TNPO2: variants seen among roughly 807,000 people sequenced by gnomAD.
TNPO2 encodes the protein transportin 2.
In TNPO2, 16 loss-of-function variants were observed where a neutral mutation model predicts 111.1. That is an observed-to-expected ratio of 0.14 (90% CI 0.10 to 0.22). The LOEUF is 0.22. Among genes scored for constraint, TNPO2 ranks in the 10% least tolerant of loss-of-function variants. The pLI is 1.00. For synonymous variants in TNPO2, 481 were observed against 475.8 expected (o/e 1.01, Z -0.14); for missense variants, 530 against 1,173.7 (o/e 0.45, Z 8.01).
In TNPO2 at chr19:12,699,894, G is replaced by T. The variant is rs771106869; in HGVS notation, c.*1370C>A. ...TCCAGTCAGACTCCAAAACACAAGG[G>T]GCTCCCCAAAGAAGTAGAAAGCAGG... is the stretch of plus-strand genomic sequence containing the variant. On this transcript the variant is annotated 3_prime_UTR_variant, in exon 26 of 26. Transcript: ENST00000425528. 3 of 152,338 alleles carry T rather than the reference G, an allele frequency of 2.0e-5. No homozygotes were observed. Among genetic ancestry groups the T allele is most frequent in the Admixed American group, 1.3e-4 (2 of 15,234 alleles). 9.4% of individuals were successfully genotyped at this position (152,338 alleles called of 1,614,324 possible).
chr19:12,703,930 T>C (rs1199388429), intron 18 of TNPO2, 129 bp from the exon 19 acceptor site: 2 of 782,630 alleles, frequency 2.6e-6, no homozygotes, highest in Admixed American at 2.9e-5. Context: ...AGCTGTTCCT[T>C]AACCTCCCTA....
chr19:12,701,910 G>T lies in TNPO2; in HGVS notation c.2412-59C>A. The T allele has an allele frequency of 6.6e-7, 1 of 1,517,378 alleles. No homozygotes were observed. Among genetic ancestry groups the T allele is most frequent in the Non-Finnish European group, 9.1e-7 (1 of 1,094,530 alleles). 94.0% of individuals were successfully genotyped at this position (1,517,378 alleles called of 1,614,324 possible). ...CAGGCTGGGCATGCATCTGTGGAGG[G>T]CTGGGTCACTGGGGATCAGTGAGTG... is the stretch of plus-strand genomic sequence containing the variant. On this transcript the variant is annotated intron_variant, in intron 22 of 25. Coordinates refer to ENST00000425528, the MANE Select transcript of TNPO2 (RefSeq NM_001382241.1). The surrounding 1 kb of genome is among the most constrained non-coding windows in gnomAD (Gnocchi z 5.0).
rs1351182515 is a variant in TNPO2 at position 12,699,800 on chromosome 19, GAC to G, written c.*1462_*1463del. 2 of 152,488 alleles carry G rather than the reference GAC, an allele frequency of 1.3e-5. No homozygotes were observed. Among genetic ancestry groups the G allele is most frequent in the African/African-American group, 2.4e-5 (1 of 41,368 alleles). The allele number at this position is 152,488 out of a possible 1,614,324, so 9.4% of individuals were successfully genotyped here. A position where few individuals can be genotyped will look rare whatever the true frequency, so the allele number is the denominator to read the frequency against. On this transcript the variant is annotated 3_prime_UTR_variant, in exon 26 of 26. Transcript: ENST00000425528. ...CAGGGCCTGACCCTGACTATGGAAA[GAC>G]ACAGGGCTTGGATGGAGGGTCTGGC... is the stretch of plus-strand genomic sequence containing the variant.
intron 20 of TNPO2, 41 bp downstream of exon 20, chr19:12,703,387 G>A (rs1568331587): frequency 1.3e-6 from 2 of 1,573,318 alleles, no homozygotes; most frequent in Non-Finnish European, 8.7e-7. Context: ...GTTGAGAACA[G>A]GCTAATGGGG....
In TNPO2 at chr19:12,702,769, C is replaced by T; in HGVS notation, c.2305+54G>A. 6.5e-7 allele frequency: 1 copy of T among 1,546,204 alleles called. No individual in the cohort carries two copies. Among genetic ancestry groups the T allele is most frequent in the South Asian group, 1.1e-5 (1 of 89,218 alleles). ...TCTGATGCCCTTCCCAGCCCAGAAC[C>T]CCACCTCCAGAAGGCAGGCAGGGGT... On this transcript the variant is annotated intron_variant, in intron 21 of 25. Transcript: ENST00000425528. This position sits in a 1 kb window ranked among gnomAD's most constrained non-coding sequence, Gnocchi z 5.5.
Position 12,703,465 on chromosome 19 carries a change from G to A in TNPO2, c.2172C>T (p.Asn724=), listed in dbSNP as rs1028026727. The A allele has an allele frequency of 1.4e-5, 23 of 1,613,904 alleles. No homozygotes were observed. Among genetic ancestry groups the A allele is most frequent in the African/African-American group, 9.3e-5 (7 of 74,942 alleles). ...LNPEFISVCN[N]ATWAIGEICM... is the part of the protein sequence containing the mutation. ...AGATTTCACCAATGGCCCAGGTGGC[G>A]TTGTTGCAGACGGAGATGAACTCTG... Residue 724 remains asparagine, a synonymous_variant, in exon 20 of 26, where the codon AAC becomes AAT. Coordinates refer to ENST00000425528, the MANE Select transcript of TNPO2 (RefSeq NM_001382241.1).
At chr19:12,704,648 G>C (rs550340923) in intron 18 of TNPO2, among the ~76,000 whole-genome samples, 1 of 150,696 alleles carries the variant, frequency 6.6e-6, no homozygotes, top group Admixed American at 6.7e-5. Flanking sequence ...ACTGTGCTGG[G>C]GCAGGGACTT....
Position 12,702,381 on chromosome 19 carries a change from CTTTT to C in TNPO2, c.2306-208_2306-205del. 1 of 691,300 alleles carries C rather than the reference CTTTT, an allele frequency of 1.4e-6. No individual in the cohort carries two copies. The highest frequency in any genetic ancestry group is 2.6e-6 in the Non-Finnish European group (1 of 379,282). The allele number at this position is 691,300 out of a possible 1,614,324, so 42.8% of individuals were successfully genotyped here. ...TCTTTCTTTCTTTCCTTTCCCTTTCCTTTTTGTTTTTTTTTGTTTTGTTTTGTTT... is the reference window on the plus strand; with the variant it reads ...TCTTTCTTTCTTTCCTTTCCCTTTCCTGTTTTTTTTTGTTTTGTTTTGTTT... On this transcript the variant is annotated intron_variant, in intron 21 of 25. Transcript: ENST00000425528. The surrounding 1 kb of genome is among the most constrained non-coding windows in gnomAD (Gnocchi z 5.5).
chr19:12,720,697 A>G (rs1029570422), intron 3 of TNPO2, among the ~76,000 whole-genome samples, 182 bp downstream of exon 3: 1 of 152,086 alleles, frequency 6.6e-6, no homozygotes, highest in Admixed American at 6.6e-5. Context: ...TTTCTATAAC[A>G]ATCCCCGCAG....
At chr19:12,714,061 G>A (rs2026225249) in intron 10 of TNPO2, among the ~76,000 whole-genome samples, 4 of 152,130 alleles carry the variant, frequency 2.6e-5, no homozygotes, top group South Asian at 2.1e-4. Flanking sequence ...TTTGGAGAGA[G>A]GCAAGCAATC....
Position 12,706,427 on chromosome 19 carries a change from T to C in TNPO2, c.1497-60A>G, listed in dbSNP as rs1319848295. The C allele has an allele frequency of 6.2e-7, 1 of 1,605,436 alleles. No homozygotes were observed. The highest frequency in any genetic ancestry group is 8.5e-7 in the Non-Finnish European group (1 of 1,172,654). On this transcript the variant is annotated intron_variant, in intron 14 of 25. Transcript: ENST00000425528. The surrounding 1 kb of genome is among the most constrained non-coding windows in gnomAD (Gnocchi z 7.0). ...GACCATGGCAGGTGACACTGGGCCATGGGCAGTTGGGGAGGGCAACTCAGG... is the reference window on the plus strand; with the variant it reads ...GACCATGGCAGGTGACACTGGGCCACGGGCAGTTGGGGAGGGCAACTCAGG...
Position 12,699,354 on chromosome 19 carries a change from CA to C in TNPO2, c.*1909del. 1 of 365,022 alleles carries C rather than the reference CA, an allele frequency of 2.7e-6. No homozygotes were observed. Among genetic ancestry groups the C allele is most frequent in the Non-Finnish European group, 5.6e-6 (1 of 177,620 alleles). 22.6% of individuals were successfully genotyped at this position (365,022 alleles called of 1,614,324 possible). A position where few individuals can be genotyped will look rare whatever the true frequency, so the allele number is the denominator to read the frequency against. ...GAGGAGGGAAAGAGGGACTGTGGCT[CA>C]AGGCCAGTCTGGGTCCACAGCCCTG... is the stretch of plus-strand genomic sequence containing the variant. On this transcript the variant is annotated 3_prime_UTR_variant, in exon 26 of 26. Coordinates refer to ENST00000425528, the MANE Select transcript of TNPO2 (RefSeq NM_001382241.1).
intron 1 of TNPO2, 199 bp from the exon 2 acceptor site, chr19:12,723,564 C>T (rs1296679679): frequency 6.6e-6 from 1 of 152,208 alleles, no homozygotes; most frequent in Non-Finnish European, 1.5e-5. Context: ...CTGAATTGTT[C>T]CTTAAAAACG....
chr19:12,701,476 G>C lies in TNPO2; in HGVS notation c.2587-23C>G, dbSNP rs1349394779. On this transcript the variant is annotated intron_variant, in intron 24 of 25. Transcript: ENST00000425528. The surrounding 1 kb of genome is among the most constrained non-coding windows in gnomAD (Gnocchi z 5.0). ...AATCTGTGGGGAGGGTGGTGGTGAG[G>C]GGTAGGCAGGGGCAGAACAAGGGGA... 6.2e-7 allele frequency: 1 copy of C among 1,608,210 alleles called. No individual in the cohort carries two copies. Among genetic ancestry groups the C allele is most frequent in the African/African-American group, 1.3e-5 (1 of 74,746 alleles).
Position 12,715,023 on chromosome 19 carries a change from TG to T in TNPO2, c.771+23del. 6.4e-7 allele frequency: 1 copy of T among 1,572,152 alleles called. No homozygotes were observed. The highest frequency in any genetic ancestry group is 8.6e-7 in the Non-Finnish European group (1 of 1,160,520). On this transcript the variant is annotated intron_variant, in intron 9 of 25. Transcript: ENST00000425528. This position sits in a 1 kb window ranked among gnomAD's most constrained non-coding sequence, Gnocchi z 7.1. ...GCCACCGGCCCCCTGCCTGCCCGCCTGGGCTGGCCTTGACCATGCACACCTG... is the reference window on the plus strand; with the variant it reads ...GCCACCGGCCCCCTGCCTGCCCGCCTGGCTGGCCTTGACCATGCACACCTG...
chr19:12,708,130 C>A (rs2025811078), intron 13 of TNPO2, among the ~76,000 whole-genome samples: 1 of 148,350 alleles, frequency 6.7e-6, no homozygotes. Context: ...CCATTTTTAA[C>A]AATTTTTTAA....
At chr19:12,707,126 T>C (rs1186798362) in intron 13 of TNPO2, among the ~76,000 whole-genome samples, 2 of 152,256 alleles carry the variant, frequency 1.3e-5, no homozygotes, top group African/African-American at 4.8e-5. Flanking sequence ...GCCTCCCAAG[T>C]AGCTGGGATT....
Position 12,709,967 on chromosome 19 carries a change from C to T in TNPO2, c.1270+654G>A, listed in dbSNP as rs1229443831. Among the ~76,000 whole-genome samples the T allele has an allele frequency of 2.0e-5, 3 of 152,064 alleles. No individual in the cohort carries two copies. In the East Asian group the frequency reaches 5.8e-4, roughly 29 times the overall value. On this transcript the variant is annotated intron_variant, in intron 13 of 25. Transcript: ENST00000425528. ...CTTACAAGGTTGAGGGTTTTTGCTG[C>T]CATGCCTGAAATTTTTGGCACAGGT...
chr19:12,701,819 T>G lies in TNPO2; in HGVS notation c.2444A>C (p.Glu815Ala). ...GCCGCGGAAGGCTGAGTCCTTCTCC[T>G]CGTTGTCCCTGATGTTCCTGAGGGA... ...CTSLRNIRDN[E>A]EKDSAFRGIC... Residue 815 changes from glutamate (E) to alanine (A), a missense_variant, in exon 23 of 26, where the codon GAG becomes GCG. Transcript: ENST00000425528. The surrounding 1 kb of genome is among the most constrained non-coding windows in gnomAD (Gnocchi z 5.0). The G allele has an allele frequency of 6.2e-7, 1 of 1,613,752 alleles. No individual in the cohort carries two copies. Among genetic ancestry groups the G allele is most frequent in the Non-Finnish European group, 8.5e-7 (1 of 1,179,852 alleles).
Sources: gnomAD v4.1 joint callset for allele counts (sites outside exome capture counted in the v4.1 genomes callset) on GRCh38, gnomAD v4.1.1 for gene constraint, Gnocchi (gnomAD v3.1) non-coding constraint, MANE v1.5 for transcripts, NCBI Gene and HGNC (gene_info 2026-07-23, HGNC 2026-07-21) for gene names.